Variants in CEP295 observed in about 807,000 individuals in gnomAD.
CEP295 encodes the protein centrosomal protein of 295 kDa.
In CEP295, 190 loss-of-function variants were observed where a neutral mutation model predicts 291.6. The ratio of observed to expected loss-of-function variants is 0.65; its 90% CI spans 0.58 to 0.73. The LOEUF is 0.73. Among genes scored for constraint, CEP295 ranks in the 30% least tolerant of loss-of-function variants. The probability of loss-of-function intolerance (pLI) is 0.00; values close to 1 mark genes in which losing one functional copy is unlikely to be tolerated. For missense variants in CEP295, 2,863 were observed against 2,949.4 expected (o/e 0.97, Z 0.68); for synonymous variants, 993 against 1,038.8 (o/e 0.96, Z 0.85).
At chr11:93,714,941 A>G (rs1432897435) in intron 18 of CEP295, among the ~76,000 whole-genome samples, 3 of 152,150 alleles carry the variant, frequency 2.0e-5, no homozygotes, top group African/African-American at 7.2e-5. Context: ...GTGCTGTGTC[A>G]GACCTGAGCC....
intron 12 of CEP295, among the ~76,000 whole-genome samples, chr11:93,693,051 G>A (rs974643879): frequency 4.0e-5 from 6 of 151,812 alleles, no homozygotes; most frequent in African/African-American, 1.5e-4. Flanking sequence ...GCTGAGGCGG[G>A]TGGATCACGA....
At position 93,700,024 on chromosome 11, in the gene CEP295, G is replaced by T; in HGVS notation, c.5112G>T (p.Gln1704His). 6.4e-7 allele frequency: 1 copy of T among 1,551,802 alleles called. No homozygotes were observed. The highest frequency in any genetic ancestry group is 2.4e-5 in the East Asian group (1 of 40,910). The change falls in exon 15 of 30, where the codon CAG (glutamine) becomes CAT (histidine). Residue 1704 changes from glutamine to histidine, a missense_variant. Physicochemically the swap from Gln to His is conservative, Grantham distance 24. Transcript: ENST00000325212. The stretch of plus-strand genomic sequence containing the variant: ...GTTTTTCACAGTCTGTCTTAACTCA[G>T]CAAGATAACTTGGGACTTCAGAAAC... ...LLSFSQSVLT[Q>H]QDNLGLQKQL... is the part of the protein sequence containing the mutation.
rs1043092895 is a variant in CEP295, at chr11:93,723,151, C to T, written c.6058C>T (p.Arg2020Trp). 3.2e-5 allele frequency: 50 copies of T among 1,551,896 alleles called. No individual in the cohort carries two copies. Among genetic ancestry groups the T allele is most frequent in the African/African-American group, 1.4e-4 (10 of 73,034 alleles). The change falls in exon 21 of 30, where the codon CGG becomes TGG. Residue 2020 changes from arginine (R) to tryptophan (W), a missense_variant. Coordinates refer to ENST00000325212, the MANE Select transcript of CEP295 (RefSeq NM_033395.2). ...IVPSTQDIYQ[R>W]QNSSDVHKSL... Reference sequence around the variant, plus strand: ...TCCTTCAACACAAGATATTTATCAGCGGCAGAACTCTTCAGACGTTCATAA... The same window carrying T: ...TCCTTCAACACAAGATATTTATCAGTGGCAGAACTCTTCAGACGTTCATAA...
chr11:93,704,951 G>T (rs1453587050), intron 17 of CEP295, among the ~76,000 whole-genome samples: 1 of 152,022 alleles, frequency 6.6e-6, no homozygotes. Context: ...AAGCTAAATT[G>T]TCATTATGGT....
At position 93,667,603 on chromosome 11, in the gene CEP295, T is replaced by A. The variant is rs1218379561; in HGVS notation, c.109-4T>A. The A allele has an allele frequency of 6.5e-7, 1 of 1,537,008 alleles. No homozygotes were observed. The highest frequency in any genetic ancestry group is 1.4e-5 in the African/African-American group (1 of 72,012). On this transcript the variant is annotated splice_polypyrimidine_tract_variant and splice_region_variant and intron_variant, in intron 2 of 29. Transcript: ENST00000325212. The stretch of plus-strand genomic sequence containing the variant: ...ATATAACCTGTTAAATATGCATTCT[T>A]TAGGTTCGAGAACAAGAAAGAGATA...
In CEP295 at chr11:93,696,848, G is replaced by C; in HGVS notation, c.1936G>C (p.Asp646His). Residue 646 changes from aspartate to histidine, a missense_variant, in exon 15 of 30, where the codon GAT (aspartate) becomes CAT (histidine). Coordinates refer to ENST00000325212, the MANE Select transcript of CEP295 (RefSeq NM_033395.2). ...ACCGACTGCTATATCAGAGCATTGG[G>C]ATCAAGGTCAGAGACTCAAGTTGAG... Reference protein sequence around the residue: ...ERPTAISEHWDQGQRLKLSPN... With the variant: ...ERPTAISEHWHQGQRLKLSPN... 1 of 1,551,656 alleles carries C rather than the reference G, an allele frequency of 6.4e-7. No individual in the cohort carries two copies.
chr11:93,683,592 C>G lies in CEP295; in HGVS notation c.799C>G (p.Leu267Val), dbSNP rs866117683. ...GAAACTAATGAAAGAACTCAAACAG[C>G]TACAGCAAGAGGACCTGGCACGTAG... ...QEKLMKELKQ[L>V]QQEDLARRRQ... Residue 267 changes from leucine to valine, a missense_variant, in exon 8 of 30, where the codon CTA (leucine) becomes GTA (valine). By Grantham distance (32) the Leu-to-Val change is conservative (BLOSUM62 1). Coordinates refer to ENST00000325212, the MANE Select transcript of CEP295 (RefSeq NM_033395.2). The G allele has an allele frequency of 6.5e-7, 1 of 1,530,042 alleles. No individual in the cohort carries two copies. The highest frequency in any genetic ancestry group is 1.4e-5 in the African/African-American group (1 of 71,388). The allele number at this position is 1,530,042 out of a possible 1,614,324, so 94.8% of individuals were successfully genotyped here.
chr11:93,728,542 T>C (rs533696723), intron 24 of CEP295, 139 bp from the exon 25 acceptor site: 1 of 599,718 alleles, frequency 1.7e-6, no homozygotes, highest in African/African-American at 1.9e-5. Flanking sequence ...GATCTGTTGG[T>C]CTTTGCCAAT....
intron 22 of CEP295, among the ~76,000 whole-genome samples, chr11:93,725,259 A>C (rs1007870887): frequency 1.3e-5 from 2 of 151,830 alleles, no homozygotes; most frequent in African/African-American, 2.4e-5. Context: ...AAAAAAAAAA[A>C]GGAAAACAGC....
At chr11:93,706,100 CT>C (rs1250219259) in intron 17 of CEP295, among the ~76,000 whole-genome samples, 1 of 152,132 alleles carries the variant, frequency 6.6e-6, no homozygotes, top group African/African-American at 2.4e-5. Context: ...GAGAATAAAC[CT>C]TTAGTTTCCT....
At chr11:93,724,497 TGGCTCACACC>T (rs1591161591) in intron 22 of CEP295, 122 bp downstream of exon 22, 1 of 980,992 alleles carries the variant, frequency 1.0e-6, no homozygotes, top group East Asian at 2.7e-5. Flanking sequence ...CTGGGCACAG[TGGCTCACACC>T]TGTAATCCCA....
rs1405263617 is a variant in CEP295 at position 93,697,404 on chromosome 11, A to G, written c.2492A>G (p.Asp831Gly). 12 of 1,552,206 alleles carry G rather than the reference A, an allele frequency of 7.7e-6. No individual in the cohort carries two copies. Among genetic ancestry groups the G allele is most frequent in the Non-Finnish European group, 1.0e-5 (12 of 1,147,094 alleles). Residue 831 changes from aspartate (D) to glycine (G), a missense_variant, in exon 15 of 30, where the codon GAT becomes GGT. Around this residue, in one of 3 missense-constraint regions of CEP295, gnomAD observed 2,295 missense variants for 2,335.7 expected, o/e 0.98. Transcript: ENST00000325212. ...TSHSIISQMH[D>G]RPLLPSENIT... ...CATTCTATAATCAGCCAAATGCATG[A>G]TAGGCCTTTGCTGCCGTCAGAGAAT...
Position 93,691,971 on chromosome 11 carries a change from G to A in CEP295, c.1474G>A (p.Val492Ile). 6.5e-7 allele frequency: 1 copy of A among 1,546,916 alleles called. No individual in the cohort carries two copies. Among genetic ancestry groups the A allele is most frequent in the Non-Finnish European group, 8.8e-7 (1 of 1,142,806 alleles). The change falls in exon 12 of 30, where the codon GTT becomes ATT. Residue 492 changes from valine (V) to isoleucine (I), a missense_variant. By Grantham distance (29) the Val-to-Ile change is conservative. Coordinates refer to ENST00000325212, the MANE Select transcript of CEP295 (RefSeq NM_033395.2). ...TATCACAACTGTAGCTCAGAGTTCA[G>A]TTCTACTTCATCCTCAAGAAGCAGC... ...LPITTVAQSSVLLHPQEAAAR... is the reference protein window; with the variant it reads ...LPITTVAQSSILLHPQEAAAR...
intron 7 of CEP295, 114 bp from the exon 8 acceptor site, chr11:93,683,445 G>A (rs1951072140): frequency 1.4e-6 from 1 of 691,962 alleles, no homozygotes; most frequent in African/African-American, 1.9e-5. Context: ...ACAAATAATA[G>A]AGGAGAGGAG....
rs921549798 is a variant in CEP295 at position 93,720,259 on chromosome 11, G to T, written c.5750-1053G>T. Reference sequence around the variant, plus strand: ...AGGCCGAGGTGGGCGGATCACCTGAGGTCACGAGTTCGAGACCAGCCTGGC... The same window carrying T: ...AGGCCGAGGTGGGCGGATCACCTGATGTCACGAGTTCGAGACCAGCCTGGC... On this transcript the variant is annotated intron_variant, in intron 18 of 29. Coordinates refer to ENST00000325212, the MANE Select transcript of CEP295 (RefSeq NM_033395.2). Among the ~76,000 whole-genome samples the T allele has an allele frequency of 1.2e-3, 186 of 151,640 alleles. 13 individuals carry two copies. The highest frequency in any genetic ancestry group is 2.9e-5 in the Non-Finnish European group (2 of 67,946).
chr11:93,728,707 G>T lies in CEP295; in HGVS notation c.7188G>T (p.Met2396Ile). Reference sequence around the variant, plus strand: ...AAACAGAAACTGGCCATGGTATAATGGAAGAACCAGAACTTACTTTAATAA... The same window carrying T: ...AAACAGAAACTGGCCATGGTATAATTGAAGAACCAGAACTTACTTTAATAA... ...VWETETGHGI[M>I]EEPELTLIST... Residue 2396 changes from methionine (M) to isoleucine (I), a missense_variant, in exon 25 of 30, where the codon ATG becomes ATT. Transcript: ENST00000325212. 6.5e-7 allele frequency: 1 copy of T among 1,545,848 alleles called. No homozygotes were observed.
At chr11:93,691,463 C>G (rs964313337) in intron 10 of CEP295, among the ~76,000 whole-genome samples, 1 of 152,050 alleles carries the variant, frequency 6.6e-6, no homozygotes, top group Non-Finnish European at 1.5e-5. Flanking sequence ...TAAATCAGTT[C>G]TTCACGTTTT....
In CEP295 at chr11:93,699,951, C is replaced by T; in HGVS notation, c.5039C>T (p.Ala1680Val). The stretch of plus-strand genomic sequence containing the variant: ...TATTCATCCCAGAATGAACATGCAG[C>T]CCCCCCAAGTAATCCTGTGATCCCA... Reference protein sequence around the residue: ...ELYSSQNEHAAPPSNPVIPGF... With the variant: ...ELYSSQNEHAVPPSNPVIPGF... The change falls in exon 15 of 30, where the codon GCC (alanine) becomes GTC (valine). Residue 1680 changes from alanine to valine, a missense_variant. Ala to Val is a moderately conservative substitution (Grantham distance 64, BLOSUM62 0). Transcript: ENST00000325212. The T allele has an allele frequency of 1.3e-6, 2 of 1,551,518 alleles. No individual in the cohort carries two copies. The highest frequency in any genetic ancestry group is 1.7e-4 in the Middle Eastern group (1 of 5,990).
rs543500311 is a variant in CEP295 at position 93,703,059 on chromosome 11, G to A, written c.5596+140G>A. 166 of 696,016 alleles carry A rather than the reference G, an allele frequency of 2.4e-4. No homozygotes were observed. The African/African-American group carries it at 2.8e-3, about 12-fold the overall frequency. The allele number at this position is 696,016 out of a possible 1,614,324, so 43.1% of individuals were successfully genotyped here. On this transcript the variant is annotated intron_variant, in intron 17 of 29. Transcript: ENST00000325212. ...GCTCACTGAAACCTCTGCCTTCTGG[G>A]TTCAAGCAAATCTCCTGCCTCAGCC...
Sources: gnomAD v4.1 joint callset for allele counts (sites outside exome capture counted in the v4.1 genomes callset) on GRCh38, gnomAD v4.1.1 for gene constraint, gnomAD v4.1.1 regional missense constraint, MANE v1.5 for transcripts, NCBI Gene and HGNC (gene_info 2026-07-23, HGNC 2026-07-21) for gene names.